The following ANKRD13B variants were observed in gnomAD, a reference collection of about 807,000 sequenced individuals.
ANKRD13B encodes the protein ankyrin repeat domain-containing protein 13B.
In ANKRD13B, 33 loss-of-function variants were observed where a neutral mutation model predicts 74.4. That is an observed-to-expected ratio of 0.44 (90% CI 0.34 to 0.59). ANKRD13B has a LOEUF of 0.59. Ranked by LOEUF, ANKRD13B falls within the 20% of genes least tolerant of loss-of-function variation. ANKRD13B has a pLI of 0.02. For synonymous variants in ANKRD13B, 341 were observed against 362.9 expected (o/e 0.94, Z 0.68); for missense variants, 676 against 877.9 (o/e 0.77, Z 2.91).
In ANKRD13B at chr17:29,614,227, C is replaced by T; in HGVS notation, c.*645C>T. 1 of 151,738 alleles carries T rather than the reference C, an allele frequency of 6.6e-6. No individual in the cohort carries two copies. Among genetic ancestry groups the T allele is most frequent in the Middle Eastern group, 3.4e-3 (1 of 292 alleles). The allele number at this position is 151,738 out of a possible 1,614,324, so 9.4% of individuals were successfully genotyped here. A position where few individuals can be genotyped will look rare whatever the true frequency, so the allele number is the denominator to read the frequency against. The stretch of plus-strand genomic sequence containing the variant: ...AGCCAGAAGTTGGAGTCCCATCCCC[C>T]AAGGCACATTTTTTTTTTTTTTTTT... On this transcript the variant is annotated 3_prime_UTR_variant, in exon 15 of 15. Transcript: ENST00000394859.
chr17:29,597,633 TGAG>T (rs1208024410), intron 1 of ANKRD13B, among the ~76,000 whole-genome samples: 1 of 152,114 alleles, frequency 6.6e-6, no homozygotes, highest in Admixed American at 6.5e-5. Flanking sequence ...AGGCCTCTGC[TGAG>T]GAGAAGCTGG....
At chr17:29,603,461 G>A (rs1330668963) in intron 1 of ANKRD13B, among the ~76,000 whole-genome samples, 1 of 151,820 alleles carries the variant, frequency 6.6e-6, no homozygotes, top group Non-Finnish European at 1.5e-5. Context: ...GAGTCTTGCT[G>A]TATTGCCTGG....
At position 29,611,482 on chromosome 17, in the gene ANKRD13B, C is replaced by T. The variant is rs138062489; in HGVS notation, c.905-97C>T. On this transcript the variant is annotated intron_variant, in intron 8 of 14. Coordinates refer to ENST00000394859, the MANE Select transcript of ANKRD13B (RefSeq NM_152345.5). The surrounding 1 kb of genome is among the most constrained non-coding windows in gnomAD (Gnocchi z 4.3). ...GGTGAGCAGGCCCCACCCCAGGAAC[C>T]GGCCTCCTCCCTAGGTCTTGGGTGC... 2.8e-4 allele frequency: 372 copies of T among 1,314,278 alleles called. 3 individuals are homozygous for T. In the East Asian group the frequency reaches 7.9e-3, roughly 28 times the overall value. The allele number at this position is 1,314,278 out of a possible 1,614,324, so 81.4% of individuals were successfully genotyped here. A position where few individuals can be genotyped will look rare whatever the true frequency, so the allele number is the denominator to read the frequency against.
intron 7 of ANKRD13B, among the ~76,000 whole-genome samples, chr17:29,610,205 A>T (rs2034534249): frequency 6.6e-6 from 1 of 151,732 alleles, no homozygotes; most frequent in African/African-American, 2.4e-5. Context: ...AAAAAAAAAA[A>T]AAAAGGCTCT....
rs879156483 is a variant in ANKRD13B, at chr17:29,613,868, G to A, written c.*286G>A. ...GGGCTCAGATCTGTCCTGTCCTAGG[G>A]CGGAGCCAGGCGGTCCTGAGGGGGA... is the stretch of plus-strand genomic sequence containing the variant. On this transcript the variant is annotated 3_prime_UTR_variant, in exon 15 of 15. Coordinates refer to ENST00000394859, the MANE Select transcript of ANKRD13B (RefSeq NM_152345.5). 36 of 420,096 alleles carry A rather than the reference G, an allele frequency of 8.6e-5. No individual in the cohort carries two copies. In the South Asian group the frequency reaches 1.9e-3, roughly 22 times the overall value. 26.0% of individuals were successfully genotyped at this position (420,096 alleles called of 1,614,324 possible). A position where few individuals can be genotyped will look rare whatever the true frequency, so the allele number is the denominator to read the frequency against.
chr17:29,609,549 A>G lies in ANKRD13B; in HGVS notation c.822+128A>G, dbSNP rs904408983. On this transcript the variant is annotated intron_variant, in intron 7 of 14. Coordinates refer to ENST00000394859, the MANE Select transcript of ANKRD13B (RefSeq NM_152345.5). The surrounding 1 kb of genome is among the most constrained non-coding windows in gnomAD (Gnocchi z 4.0). ...CAATGCAGCGTGGTCAAGCACTTAT[A>G]TTTGGGTTCAAGGCACTTCTCTGGT... 92 of 1,140,004 alleles carry G rather than the reference A, an allele frequency of 8.1e-5. No individual in the cohort carries two copies. Among genetic ancestry groups the G allele is most frequent in the Non-Finnish European group, 1.0e-4 (84 of 801,930 alleles). The allele number at this position is 1,140,004 out of a possible 1,614,324, so 70.6% of individuals were successfully genotyped here.
intron 1 of ANKRD13B, among the ~76,000 whole-genome samples, chr17:29,597,261 A>G (rs975470481): frequency 1.3e-5 from 2 of 152,178 alleles, no homozygotes; most frequent in African/African-American, 4.8e-5. Flanking sequence ...GCTAGTGCAC[A>G]TGGGTGTGAG....
chr17:29,611,697 GGAGGCTTGGGAAGCGT>G lies in ANKRD13B; in HGVS notation c.969+55_969+70del. The G allele has an allele frequency of 6.2e-7, 1 of 1,602,028 alleles. No individual in the cohort carries two copies. Reference sequence around the variant, plus strand: ...GGAGGGATGTGGATGTGGCTCAGGAGGAGGCTTGGGAAGCGTCCTGCTTAGCATGGCCTATGTGGAC... The same window carrying G: ...GGAGGGATGTGGATGTGGCTCAGGAGCCTGCTTAGCATGGCCTATGTGGAC... On this transcript the variant is annotated intron_variant, in intron 9 of 14. Transcript: ENST00000394859. The surrounding 1 kb of genome is among the most constrained non-coding windows in gnomAD (Gnocchi z 4.3).
intron 14 of ANKRD13B, 36 bp from the exon 15 acceptor site, chr17:29,613,318 G>T: frequency 2.9e-6 from 4 of 1,393,992 alleles, no homozygotes; most frequent in Non-Finnish European, 3.7e-6. Context: ...GGGTGGGTGC[G>T]CCCGGGAGCC....
Position 29,609,397 on chromosome 17 carries a change from G to A in ANKRD13B, c.798G>A (p.Glu266=). Residue 266 remains glutamate, a synonymous_variant, in exon 7 of 15, where the codon GAG becomes GAA. Coordinates refer to ENST00000394859, the MANE Select transcript of ANKRD13B (RefSeq NM_152345.5). This position sits in a 1 kb window ranked among gnomAD's most constrained non-coding sequence, Gnocchi z 4.0. Reference sequence around the variant, plus strand: ...TGGGCTGGCGCAGTGAAAAGACGGAGATGGTGAATGGGTATGAAGCTAAGG... The same window carrying A: ...TGGGCTGGCGCAGTGAAAAGACGGAAATGGTGAATGGGTATGAAGCTAAGG... ...GILGWRSEKT[E]MVNGYEAKVY... 5.0e-6 allele frequency: 8 copies of A among 1,613,460 alleles called. No individual in the cohort carries two copies. Among genetic ancestry groups the A allele is most frequent in the Non-Finnish European group, 6.8e-6 (8 of 1,180,024 alleles).
chr17:29,613,672 G>T lies in ANKRD13B; in HGVS notation c.*90G>T. The T allele has an allele frequency of 7.3e-7, 1 of 1,373,602 alleles. No individual in the cohort carries two copies. Among genetic ancestry groups the T allele is most frequent in the South Asian group, 1.6e-5 (1 of 60,650 alleles). 85.1% of individuals were successfully genotyped at this position (1,373,602 alleles called of 1,614,324 possible). A position where few individuals can be genotyped will look rare whatever the true frequency, so the allele number is the denominator to read the frequency against. On this transcript the variant is annotated 3_prime_UTR_variant, in exon 15 of 15. Transcript: ENST00000394859. ...CCCCGGCCTGCGCGCCTGCAGAGCG[G>T]CGGCTGGAGACTGGAGCCACCGCCT...
At chr17:29,613,174 G>C (rs1241077941) in intron 14 of ANKRD13B, 180 bp from the exon 15 acceptor site, 3 of 1,200,576 alleles carry the variant, frequency 2.5e-6, no homozygotes, top group Non-Finnish European at 2.3e-6. Flanking sequence ...CATTGACGGG[G>C]AGAACTTGGT....
At chr17:29,602,926 A>G (rs1390457015) in intron 1 of ANKRD13B, among the ~76,000 whole-genome samples, 2 of 152,082 alleles carry the variant, frequency 1.3e-5, no homozygotes, top group African/African-American at 4.8e-5. Flanking sequence ...ATCTCGGCTC[A>G]TTGCAACCTC....
chr17:29,595,804 C>T (rs2033933066), intron 1 of ANKRD13B, among the ~76,000 whole-genome samples: 1 of 152,164 alleles, frequency 6.6e-6, no homozygotes. Flanking sequence ...GGCCAGTCCT[C>T]TCCTTCCCTC....
chr17:29,613,467 A>C lies in ANKRD13B; in HGVS notation c.1766A>C (p.Gln589Pro), dbSNP rs2034684347. The C allele has an allele frequency of 1.3e-6, 2 of 1,533,358 alleles. No homozygotes were observed. Among genetic ancestry groups the C allele is most frequent in the African/African-American group, 1.4e-5 (1 of 70,672 alleles). 95.0% of individuals were successfully genotyped at this position (1,533,358 alleles called of 1,614,324 possible). ...CACGTGTTCCGGAGCTACGACGAGC[A>C]GCTGCGGCTGGCGATGGAACTGTCG... ...GGHVFRSYDE[Q>P]LRLAMELSAQ... The change falls in exon 15 of 15, where the codon CAG becomes CCG. Residue 589 changes from glutamine (Q) to proline (P), a missense_variant. Around this residue, in one of 4 missense-constraint regions of ANKRD13B, gnomAD observed 108 missense variants for 90.3 expected, o/e 1.20. Coordinates refer to ENST00000394859, the MANE Select transcript of ANKRD13B (RefSeq NM_152345.5).
Position 29,612,910 on chromosome 17 carries a change from C to G in ANKRD13B, c.1599C>G (p.Thr533=), listed in dbSNP as rs775906755. The stretch of plus-strand genomic sequence containing the variant: ...AGGTCACCATCTGGGAGGCGCTAAC[C>G]AACAGCAAGCCAGGCACCCACCCCA... ...YDQVTIWEAL[T]NSKPGTHPMS... The change falls in exon 14 of 15, where the codon ACC becomes ACG. Residue 533 remains threonine, a synonymous_variant. Coordinates refer to ENST00000394859, the MANE Select transcript of ANKRD13B (RefSeq NM_152345.5). The surrounding 1 kb of genome is among the most constrained non-coding windows in gnomAD (Gnocchi z 6.1). 5.6e-6 allele frequency: 9 copies of G among 1,598,610 alleles called. No individual in the cohort carries two copies. Among genetic ancestry groups the G allele is most frequent in the Non-Finnish European group, 6.8e-6 (8 of 1,179,728 alleles).
chr17:29,613,832 C>A lies in ANKRD13B; in HGVS notation c.*250C>A. 1.8e-6 allele frequency: 1 copy of A among 553,436 alleles called. No homozygotes were observed. The highest frequency in any genetic ancestry group is 3.0e-6 in the Non-Finnish European group (1 of 336,984). The allele number at this position is 553,436 out of a possible 1,614,324, so 34.3% of individuals were successfully genotyped here. A position where few individuals can be genotyped will look rare whatever the true frequency, so the allele number is the denominator to read the frequency against. ...GCTTTGCTGTATTCTGATTCCCCAA[C>A]CCGCTCCCCTGGGCTCAGATCTGTC... On this transcript the variant is annotated 3_prime_UTR_variant, in exon 15 of 15. Coordinates refer to ENST00000394859, the MANE Select transcript of ANKRD13B (RefSeq NM_152345.5).
chr17:29,599,671 G>C (rs1039109002), intron 1 of ANKRD13B, among the ~76,000 whole-genome samples: 1 of 152,038 alleles, frequency 6.6e-6, no homozygotes, highest in African/African-American at 2.4e-5. Context: ...AGTTAAGAAA[G>C]TCACTTCCAG....
At chr17:29,593,895 A>ATGGGAGCGGGCCCTGCCCAC in intron 1 of ANKRD13B, 160 bp downstream of exon 1, 1 of 315,506 alleles carries the variant, frequency 3.2e-6, no homozygotes, top group Non-Finnish European at 5.6e-6. Context: ...GGAAAGGGTG[A>ATGGGAGCGGGCCCTGCCCAC]TCCCCTCCGG....
Sources: allele counts gnomAD v4.1 joint callset (sites outside exome capture counted in the v4.1 genomes callset), GRCh38; gene constraint gnomAD v4.1.1; regional missense constraint gnomAD v4.1.1; non-coding constraint Gnocchi (gnomAD v3.1); transcripts MANE v1.5; gene names NCBI Gene and HGNC (gene_info 2026-07-23, HGNC 2026-07-21).